The following PRKD1 variants were observed in gnomAD, a reference collection of about 807,000 sequenced individuals.
The protein encoded by PRKD1 is protein kinase D1, also known as serine/threonine-protein kinase D1.
PRKD1 carries 63 observed loss-of-function variants against 95.9 expected under a neutral mutation model. The ratio of observed to expected loss-of-function variants is 0.66; its 90% CI spans 0.54 to 0.81. PRKD1 has a LOEUF of 0.81. Among genes scored for constraint, PRKD1 ranks in the 30% least tolerant of loss-of-function variants. PRKD1 has a pLI of 0.00. For missense variants in PRKD1, 1,048 were observed against 1,165.3 expected, an observed-to-expected ratio of 0.90 and a Z score of 1.47; for synonymous variants, 425 against 423.1, an observed-to-expected ratio of 1.00 and a Z score of -0.05.
intron 2 of PRKD1, among the ~76,000 whole-genome samples, chr14:29,710,904 T>C (rs1225895548): frequency 1.3e-5 from 2 of 152,164 alleles, no homozygotes; most frequent in African/African-American, 4.8e-5. Context: ...GACAATCTGA[T>C]TTCAAAACTA....
chr14:29,583,592 T>C (rs993001999), intron 16 of PRKD1, among the ~76,000 whole-genome samples: 3 of 152,200 alleles, frequency 2.0e-5, no homozygotes, highest in Non-Finnish European at 4.4e-5. Context: ...TCTTTATTCA[T>C]GCTTAAGCTC....
At chr14:29,661,327 T>C (rs1279265513) in intron 4 of PRKD1, among the ~76,000 whole-genome samples, 2 of 152,172 alleles carry the variant, frequency 1.3e-5, no homozygotes, top group African/African-American at 2.4e-5. Context: ...ATCATTCTTT[T>C]TGGAAATGGA....
intron 1 of PRKD1, among the ~76,000 whole-genome samples, chr14:29,783,772 G>T (rs980651692): frequency 6.6e-6 from 1 of 152,062 alleles, no homozygotes; most frequent in African/African-American, 2.4e-5. Flanking sequence ...CTGTCTGTTG[G>T]CCATTCGTAT....
chr14:29,814,709 C>T (rs954974757), intron 1 of PRKD1, among the ~76,000 whole-genome samples: 2 of 152,206 alleles, frequency 1.3e-5, no homozygotes, highest in Admixed American at 6.5e-5. Flanking sequence ...CTGCTGCCTC[C>T]ATTGCTGGCA....
intron 16 of PRKD1, chr14:29,592,673 T>G (rs557551041): frequency 6.6e-5 from 10 of 152,172 alleles, no homozygotes; most frequent in Non-Finnish European, 1.3e-4. Context: ...CTAAGCAGTT[T>G]CCAGAACAAT....
In PRKD1 at chr14:29,743,217, G is replaced by A. The variant is rs145270463; in HGVS notation, c.265-17543C>T. 3.3e-5 allele frequency among the ~76,000 whole-genome samples: 5 copies of A among 152,126 alleles called. No homozygotes were observed. In the East Asian group the frequency reaches 9.7e-4, roughly 29 times the overall value. On this transcript the variant is annotated intron_variant, in intron 1 of 17. Transcript: ENST00000331968. The stretch of plus-strand genomic sequence containing the variant: ...AGAAATCTCAGCTTGTGAATAGGCC[G>A]GTAACTAGAGGTTCTCAAAAATCTT...
chr14:29,607,527 A>G (rs8012335), intron 13 of PRKD1, among the ~76,000 whole-genome samples: 76,116 of 151,926 alleles, frequency 0.5, 21,476 homozygotes, highest in African/African-American at 0.78. Context: ...GCAGGGGTGA[A>G]GTCCCCGTTT....
chr14:29,904,487 G>C (rs540733006), intron 1 of PRKD1, among the ~76,000 whole-genome samples: 26 of 152,146 alleles, frequency 1.7e-4, no homozygotes, highest in Non-Finnish European at 3.2e-4. Flanking sequence ...CAAATTAAAT[G>C]TATTAAATGT....
intron 11 of PRKD1, among the ~76,000 whole-genome samples, chr14:29,628,554 T>A (rs948217364): frequency 1.3e-5 from 2 of 152,186 alleles, no homozygotes; most frequent in African/African-American, 4.8e-5. Flanking sequence ...ACCCGTAAGA[T>A]TCGATTTATG....
intron 2 of PRKD1, among the ~76,000 whole-genome samples, chr14:29,676,466 C>T (rs1035587955): frequency 1.3e-5 from 2 of 151,980 alleles, no homozygotes; most frequent in African/African-American, 2.4e-5. Context: ...GCGATTCTCC[C>T]GCCTCAGCGT....
intron 1 of PRKD1, among the ~76,000 whole-genome samples, chr14:29,856,795 A>C (rs1594580954): frequency 6.6e-6 from 1 of 152,346 alleles, no homozygotes. Flanking sequence ...TAACATGAGT[A>C]AAATCACTCC....
chr14:29,902,740 T>C (rs757710702), intron 1 of PRKD1, among the ~76,000 whole-genome samples: 7 of 152,236 alleles, frequency 4.6e-5, no homozygotes, highest in East Asian at 1.9e-4. Flanking sequence ...CCAATCATTT[T>C]TATATTAGTA....
At chr14:29,684,143 GTTTTT>G (rs11285857) in intron 2 of PRKD1, among the ~76,000 whole-genome samples, 1 of 135,792 alleles carries the variant, frequency 7.4e-6, no homozygotes, top group Non-Finnish European at 1.6e-5. Flanking sequence ...CTTTAGAATG[GTTTTT>G]TTTTTTTTTT....
intron 1 of PRKD1, among the ~76,000 whole-genome samples, chr14:29,883,611 G>T (rs974803880): frequency 3.3e-5 from 5 of 151,986 alleles, no homozygotes; most frequent in Non-Finnish European, 7.4e-5. Flanking sequence ...CATTTAGAAG[G>T]AACTTACTTT....
intron 1 of PRKD1, among the ~76,000 whole-genome samples, chr14:29,867,176 C>G (rs1407939016): frequency 6.6e-6 from 1 of 152,170 alleles, no homozygotes; most frequent in East Asian, 1.9e-4. Context: ...TTCCCAACAT[C>G]ATTCTGTAGT....
At chr14:29,832,966 A>G (rs1469957610) in intron 1 of PRKD1, among the ~76,000 whole-genome samples, 2 of 151,936 alleles carry the variant, frequency 1.3e-5, no homozygotes, top group Non-Finnish European at 1.5e-5. Context: ...TTTTTTTATT[A>G]CCGAGGTAAC....
intron 1 of PRKD1, among the ~76,000 whole-genome samples, chr14:29,884,453 A>AT (rs959432284): frequency 1.8e-4 from 28 of 152,252 alleles, no homozygotes; most frequent in African/African-American, 6.0e-4. Context: ...GATATAAATT[A>AT]TTTTTTCTGC....
At chr14:29,775,828 A>C (rs139872661) in intron 1 of PRKD1, among the ~76,000 whole-genome samples, 1,673 of 152,256 alleles carry the variant, frequency 0.011, 29 homozygotes, top group African/African-American at 0.038. Context: ...TTGAGATCTG[A>C]GAACAGCCAG....
chr14:29,920,749 G>A (rs1895072728), intron 1 of PRKD1, among the ~76,000 whole-genome samples: 1 of 152,116 alleles, frequency 6.6e-6, no homozygotes, highest in Non-Finnish European at 1.5e-5. Context: ...GGTAGGTAGT[G>A]GGAATATCTA....
Sources: allele counts gnomAD v4.1 joint callset (sites outside exome capture counted in the v4.1 genomes callset), GRCh38; gene constraint gnomAD v4.1.1; transcripts MANE v1.5; gene names NCBI Gene and HGNC (gene_info 2026-07-23, HGNC 2026-07-21).